NKAIN1: variants seen among roughly 807,000 people sequenced by gnomAD.
The protein encoded by NKAIN1 is sodium/potassium transporting ATPase interacting 1.
Under a neutral mutation model 31.6 loss-of-function variants are expected in NKAIN1, and 13 were observed. That is an observed-to-expected ratio of 0.41 (90% CI 0.27 to 0.65). The LOEUF (loss-of-function observed/expected upper bound fraction) is 0.65. Among genes scored for constraint, NKAIN1 ranks in the 30% least tolerant of loss-of-function variants. The pLI, the probability that NKAIN1 is intolerant of heterozygous loss-of-function variation, is 0.30. For synonymous variants in NKAIN1, 104 were observed against 109.0 expected (o/e 0.95, Z 0.28); for missense variants, 193 against 262.2 (o/e 0.74, Z 1.82).
intron 1 of NKAIN1, among the ~76,000 whole-genome samples, chr1:31,200,043 ACACGTG>A (rs1645366205): frequency 6.6e-6 from 1 of 151,734 alleles, no homozygotes; most frequent in African/African-American, 2.4e-5. Flanking sequence ...ACACACATGC[ACACGTG>A]CACACACGCA....
chr1:31,191,695 C>T (rs576113265), intron 1 of NKAIN1, among the ~76,000 whole-genome samples: 1 of 152,314 alleles, frequency 6.6e-6, no homozygotes, highest in Non-Finnish European at 1.5e-5. Context: ...TGGCTCAATC[C>T]TGTATTTCCC....
intron 1 of NKAIN1, among the ~76,000 whole-genome samples, chr1:31,189,662 C>T (rs558021644): frequency 6.6e-6 from 1 of 152,334 alleles, no homozygotes; most frequent in African/African-American, 2.4e-5. Context: ...GTCCACATGG[C>T]TTGAGTGGGG....
At chr1:31,238,060 G>A (rs546796765) in intron 1 of NKAIN1, among the ~76,000 whole-genome samples, 1 of 152,226 alleles carries the variant, frequency 6.6e-6, no homozygotes, top group Admixed American at 6.5e-5. Flanking sequence ...AATCCTCAGG[G>A]ATAATCATTT....
intron 1 of NKAIN1, among the ~76,000 whole-genome samples, chr1:31,225,603 C>T (rs1319364519): frequency 2.0e-5 from 3 of 152,116 alleles, no homozygotes; most frequent in Non-Finnish European, 2.9e-5. Context: ...GTTGAGATTA[C>T]AGGTATGAGC....
At chr1:31,224,214 G>A (rs574275212) in intron 1 of NKAIN1, among the ~76,000 whole-genome samples, 4 of 152,290 alleles carry the variant, frequency 2.6e-5, no homozygotes, top group Admixed American at 6.5e-5. Flanking sequence ...TCTGAGAGCC[G>A]ATGATAGGAG....
At chr1:31,231,724 G>A (rs1447870150) in intron 1 of NKAIN1, among the ~76,000 whole-genome samples, 1 of 150,544 alleles carries the variant, frequency 6.6e-6, no homozygotes, top group East Asian at 2.0e-4. Context: ...TAGAGACAGG[G>A]TTTCACAGTG....
intron 1 of NKAIN1, among the ~76,000 whole-genome samples, chr1:31,222,471 G>T (rs1352295208): frequency 6.6e-6 from 1 of 152,248 alleles, no homozygotes; most frequent in Non-Finnish European, 1.5e-5. Context: ...CATCTGCCAG[G>T]CCTTCACTTT....
Position 31,233,951 on chromosome 1 carries a change from C to T in NKAIN1, c.54+5543G>A, listed in dbSNP as rs1331268659. Among the ~76,000 whole-genome samples, 1 of 152,218 alleles carries T rather than the reference C, an allele frequency of 6.6e-6. No homozygotes were observed. The highest frequency in any genetic ancestry group is 2.1e-4 in the South Asian group (1 of 4,832). On this transcript the variant is annotated intron_variant, in intron 1 of 6. Transcript: ENST00000373736. This position sits in a 1 kb window ranked among gnomAD's most constrained non-coding sequence, Gnocchi z 4.0. Reference sequence around the variant, plus strand: ...GATCCCAGATGTAGTGCTCCTAGCCCCTGTGCCAGATCTCAGCGAAGCTGC... The same window carrying T: ...GATCCCAGATGTAGTGCTCCTAGCCTCTGTGCCAGATCTCAGCGAAGCTGC...
Position 31,188,088 on chromosome 1 carries a change from A to C in NKAIN1, c.154T>G (p.Phe52Val). 1 of 1,553,862 alleles carries C rather than the reference A, an allele frequency of 6.4e-7. No homozygotes were observed. Among genetic ancestry groups the C allele is most frequent in the Non-Finnish European group, 8.7e-7 (1 of 1,148,244 alleles). ...CGGGAGCGGTACTGCACGGTGCCAA[A>C]GATGCCCAGGATGACTGCCATGATG... ...LHIMAVILGIFGTVQYRSRYL... is the reference protein window; with the variant it reads ...LHIMAVILGIVGTVQYRSRYL... The change falls in exon 2 of 7, where the codon TTT (phenylalanine) becomes GTT (valine). Residue 52 changes from phenylalanine (F) to valine (V), a missense_variant. Transcript: ENST00000373736.
rs561924627 is a variant in NKAIN1 at position 31,204,915 on chromosome 1, G to A, written c.55-16728C>T. On this transcript the variant is annotated intron_variant, in intron 1 of 6. Transcript: ENST00000373736. ...TGGGACTGAGGCTGCTGGAGAGCCC[G>A]GTAATTATCAGCTCAGGCTCTGCAC... Among the ~76,000 whole-genome samples, 8 of 152,236 alleles carry A rather than the reference G, an allele frequency of 5.3e-5. 1 individual carries two copies. In the South Asian group the frequency reaches 8.3e-4, roughly 16 times the overall value.
At chr1:31,208,419 G>A (rs76683037) in intron 1 of NKAIN1, among the ~76,000 whole-genome samples, 23,015 of 152,068 alleles carry the variant, frequency 0.15, 2,744 homozygotes, top group African/African-American at 0.32. Context: ...GCTTCCTTTC[G>A]TGAAGATTTC....
chr1:31,188,503 C>T lies in NKAIN1; in HGVS notation c.55-316G>A, dbSNP rs542304634. ...GATGGTGGGATCAGAATCCAGACTG[C>T]CACCCCTAGCCTTGGAGGGCAAGGA... On this transcript the variant is annotated intron_variant, in intron 1 of 6. Transcript: ENST00000373736. 1.5e-5 allele frequency: 4 copies of T among 263,496 alleles called. No homozygotes were observed. The South Asian group carries it at 2.9e-4, about 19-fold the overall frequency. 16.3% of individuals were successfully genotyped at this position (263,496 alleles called of 1,614,324 possible).
Position 31,181,709 on chromosome 1 carries a change from C to T in NKAIN1, c.618G>A (p.Ser206=), listed in dbSNP as rs565816625. ...SHLQLQPLYT[S]G is the part of the protein sequence containing the mutation. ...GGTGGGCGCGGGGCAGAGGCTACCCCGACCTGCGGGAAACAAAGGCAGGTT... is the reference window on the plus strand; with the variant it reads ...GGTGGGCGCGGGGCAGAGGCTACCCTGACCTGCGGGAAACAAAGGCAGGTT... Residue 206 remains serine (S), a synonymous_variant, in exon 7 of 7, where the codon TCG becomes TCA. Transcript: ENST00000373736. The T allele has an allele frequency of 3.4e-6, 5 of 1,485,468 alleles. No homozygotes were observed. Among genetic ancestry groups the T allele is most frequent in the East Asian group, 5.0e-5 (2 of 40,368 alleles). 92.0% of individuals were successfully genotyped at this position (1,485,468 alleles called of 1,614,324 possible).
intron 1 of NKAIN1, among the ~76,000 whole-genome samples, chr1:31,197,206 G>A (rs1296261916): frequency 4.0e-5 from 6 of 150,564 alleles, no homozygotes; most frequent in Non-Finnish European, 8.9e-5. Flanking sequence ...CTGCCTCCCA[G>A]GTTCACGCCA....
intron 1 of NKAIN1, among the ~76,000 whole-genome samples, chr1:31,215,708 AG>A (rs1435659801): frequency 6.6e-6 from 1 of 152,032 alleles, no homozygotes; most frequent in East Asian, 1.9e-4. Flanking sequence ...AGGCCCTGGG[AG>A]GGATCACCTG....
At chr1:31,206,451 T>A (rs948792456) in intron 1 of NKAIN1, among the ~76,000 whole-genome samples, 1 of 152,104 alleles carries the variant, frequency 6.6e-6, no homozygotes, top group African/African-American at 2.4e-5. Context: ...TATTTAGTTT[T>A]TTGAGACAGG....
intron 1 of NKAIN1, among the ~76,000 whole-genome samples, chr1:31,207,280 A>G (rs1645431933): frequency 6.6e-6 from 1 of 152,156 alleles, no homozygotes; most frequent in African/African-American, 2.4e-5. Flanking sequence ...TTAATTTCAA[A>G]TCCCGGCTCT....
intron 1 of NKAIN1, among the ~76,000 whole-genome samples, chr1:31,234,535 G>T (rs1012564761): frequency 1.1e-4 from 16 of 150,768 alleles, no homozygotes; most frequent in African/African-American, 3.4e-4. Context: ...CTATGTGTCT[G>T]GCACCTGGCC....
In NKAIN1 at chr1:31,182,534, GTCC is replaced by G. The variant is rs1316102097; in HGVS notation, c.525_527del (p.Glu175del). On this transcript the variant is annotated inframe_deletion, in exon 5 of 7. Transcript: ENST00000373736. ...CCCCAGGGGCGCCTTACTCACAGCT[GTCC>G]TCCTCCTCCAGGAACACTTTGCTCA... 1.2e-6 allele frequency: 2 copies of G among 1,614,002 alleles called. No individual in the cohort carries two copies. Among genetic ancestry groups the G allele is most frequent in the African/African-American group, 2.7e-5 (2 of 74,928 alleles).
Sources: allele counts gnomAD v4.1 joint callset (sites outside exome capture counted in the v4.1 genomes callset), GRCh38; gene constraint gnomAD v4.1.1; non-coding constraint Gnocchi (gnomAD v3.1); transcripts MANE v1.5; gene names NCBI Gene and HGNC (gene_info 2026-07-23, HGNC 2026-07-21).